Variants in WDR3 observed in about 807,000 individuals in gnomAD.
WDR3 encodes WD repeat-containing protein 3.
In WDR3, 81 loss-of-function variants were observed where a neutral mutation model predicts 123.7. That is an observed-to-expected ratio of 0.65 (90% CI 0.55 to 0.79). The LOEUF is 0.79. Among genes scored for constraint, WDR3 ranks in the 30% least tolerant of loss-of-function variants. The pLI is 0.00. For synonymous variants in WDR3, 390 were observed against 388.8 expected, an observed-to-expected ratio of 1.00 and a Z score of -0.04; for missense variants, 1,027 against 1,123.2, an observed-to-expected ratio of 0.91 and a Z score of 1.22.
chr1:117,952,704 C>G lies in WDR3; in HGVS notation c.2151+42C>G, dbSNP rs143943892. Reference sequence around the variant, plus strand: ...TGGTTACAAATATGCCAGTAGGTATCTGACAGGCTGTCCTAGTTGAAGTTT... The same window carrying G: ...TGGTTACAAATATGCCAGTAGGTATGTGACAGGCTGTCCTAGTTGAAGTTT... On this transcript the variant is annotated intron_variant, in intron 19 of 26. Transcript: ENST00000349139. 0.012 allele frequency: 19,150 copies of G among 1,600,538 alleles called. 167 individuals are homozygous for G. The highest frequency in any genetic ancestry group is 0.027 in the South Asian group (2,441 of 88,780).
intron 1 of WDR3, among the ~76,000 whole-genome samples, chr1:117,932,256 A>G (rs1315926534): frequency 1.3e-5 from 2 of 152,234 alleles, no homozygotes; most frequent in African/African-American, 2.4e-5. Context: ...ACCATTTTCT[A>G]TGCCAAGGGT....
rs1403590832 is a variant in WDR3, at chr1:117,940,821, A to C, written c.676-6A>C. 1.3e-6 allele frequency: 2 copies of C among 1,599,294 alleles called. No individual in the cohort carries two copies. Among genetic ancestry groups the C allele is most frequent in the Non-Finnish European group, 8.5e-7 (1 of 1,173,966 alleles). ...CAGCTTTTATTTTCTCATTTTTATA[A>C]AACAGATTGAAGACCCGGAAGAACC... On this transcript the variant is annotated splice_region_variant and splice_polypyrimidine_tract_variant and intron_variant, in intron 6 of 26. Transcript: ENST00000349139.
At position 117,964,041 on chromosome 1, in the gene WDR3, A is replaced by G; in HGVS notation, c.*4594A>G. On this transcript the variant is annotated 3_prime_UTR_variant, in exon 27 of 27. Coordinates refer to ENST00000349139, the MANE Select transcript of WDR3 (RefSeq NM_006784.3). ...ATAGAATTTCTTCTCTGGCAACATC[A>G]GTTCAATTTTAGGTAACTGTCTATC... The G allele has an allele frequency of 7.4e-7, 1 of 1,357,202 alleles. No homozygotes were observed. The highest frequency in any genetic ancestry group is 1.0e-6 in the Non-Finnish European group (1 of 991,498). The allele number at this position is 1,357,202 out of a possible 1,614,324, so 84.1% of individuals were successfully genotyped here.
chr1:117,933,790 A>T (rs1344321952), intron 2 of WDR3: 1 of 358,500 alleles, frequency 2.8e-6, no homozygotes, highest in Non-Finnish European at 5.3e-6. Flanking sequence ...TTCTCTACCA[A>T]TTCTATTTTT....
chr1:117,957,739 T>C (rs780598838), intron 25 of WDR3, among the ~76,000 whole-genome samples: 5 of 152,226 alleles, frequency 3.3e-5, no homozygotes, highest in African/African-American at 4.8e-5. Context: ...GTGTATTTTA[T>C]GTGTGGCCCG....
Position 117,941,864 on chromosome 1 carries a change from C to T in WDR3, c.989+17C>T, listed in dbSNP as rs1236918202. On this transcript the variant is annotated intron_variant, in intron 9 of 26. Transcript: ENST00000349139. ...GAAAGCAAAGTATGTTTTCTTAATA[C>T]TTACATTAATAATGAAGTATCCTGG... The T allele has an allele frequency of 1.3e-6, 2 of 1,593,892 alleles. No homozygotes were observed. The highest frequency in any genetic ancestry group is 3.6e-5 in the Admixed American group (2 of 55,134).
intron 1 of WDR3, among the ~76,000 whole-genome samples, chr1:117,932,048 G>A (rs544078634): frequency 1.3e-5 from 2 of 152,160 alleles, no homozygotes; most frequent in African/African-American, 4.8e-5. Context: ...TTATTTTTGT[G>A]TGTTTTAAGT....
chr1:117,962,485 T>C lies in WDR3; in HGVS notation c.*3038T>C, dbSNP rs1231133274. 2 of 151,882 alleles carry C rather than the reference T, an allele frequency of 1.3e-5. No individual in the cohort carries two copies. Among genetic ancestry groups the C allele is most frequent in the Admixed American group, 1.3e-4 (2 of 15,238 alleles). The allele number at this position is 151,882 out of a possible 1,614,324, so 9.4% of individuals were successfully genotyped here. A position where few individuals can be genotyped will look rare whatever the true frequency, so the allele number is the denominator to read the frequency against. ...TACCATAAAGAAAAGCCTTTTGAGA[T>C]TGCAGTGAGCTGAGATTGTGCCACT... On this transcript the variant is annotated 3_prime_UTR_variant, in exon 27 of 27. Transcript: ENST00000349139.
intron 1 of WDR3, 103 bp from the exon 2 acceptor site, chr1:117,933,185 C>T (rs1008713226): frequency 1.0e-6 from 1 of 973,884 alleles, no homozygotes. Flanking sequence ...GCCTGGGCAA[C>T]AGAGTGAGAC....
chr1:117,933,650 A>G, intron 2 of WDR3, 160 bp downstream of exon 2: 1 of 883,514 alleles, frequency 1.1e-6, no homozygotes, highest in Non-Finnish European at 1.8e-6. Flanking sequence ...CCAAGCATCA[A>G]GTTCCTTTGT....
Position 117,931,978 on chromosome 1 carries a change from C to A in WDR3, c.-32-1310C>A, listed in dbSNP as rs190429178. ...GACCCTGTAGAGTTAAGCCAACCAACCAAAGAAACAAAAAACAATAGCAAA... is the reference window on the plus strand; with the variant it reads ...GACCCTGTAGAGTTAAGCCAACCAAACAAAGAAACAAAAAACAATAGCAAA... On this transcript the variant is annotated intron_variant, in intron 1 of 26. Transcript: ENST00000349139. Among the ~76,000 whole-genome samples, 98 of 152,152 alleles carry A rather than the reference C, an allele frequency of 6.4e-4. 1 individual carries two copies. The East Asian group carries it at 0.017, about 27-fold the overall frequency.
rs1359298997 is a variant in WDR3 at position 117,965,891 on chromosome 1, C to T, written c.*6444C>T. ...AGCTTTTGGCAAGTTGAACTCCCTG[C>T]CAATCATCCCAAACACCTGGAGCTT... On this transcript the variant is annotated 3_prime_UTR_variant, in exon 27 of 27. Coordinates refer to ENST00000349139, the MANE Select transcript of WDR3 (RefSeq NM_006784.3). 1 of 152,194 alleles carries T rather than the reference C, an allele frequency of 6.6e-6. No individual in the cohort carries two copies. Among genetic ancestry groups the T allele is most frequent in the Non-Finnish European group, 1.5e-5 (1 of 68,040 alleles). The allele number at this position is 152,194 out of a possible 1,614,324, so 9.4% of individuals were successfully genotyped here.
chr1:117,949,769 G>A lies in WDR3; in HGVS notation c.1543G>A (p.Gly515Ser), dbSNP rs1221623636. 2.5e-6 allele frequency: 4 copies of A among 1,613,540 alleles called. No individual in the cohort carries two copies. The highest frequency in any genetic ancestry group is 2.5e-6 in the Non-Finnish European group (3 of 1,179,776). ...SPDQRGFVTGGADKSVKFWDF... is the reference protein window; with the variant it reads ...SPDQRGFVTGSADKSVKFWDF... ...TTTTCAGCGTGGCTTTGTGACAGGT[G>A]GTGCAGATAAATCTGTCAAATTCTG... Residue 515 changes from glycine to serine, a missense_variant, in exon 14 of 27, where the codon GGT (glycine) becomes AGT (serine). Transcript: ENST00000349139.
At chr1:117,939,929 A>C (rs913211048) in intron 6 of WDR3, among the ~76,000 whole-genome samples, 1 of 152,250 alleles carries the variant, frequency 6.6e-6, no homozygotes, top group African/African-American at 2.4e-5. Flanking sequence ...GTATATTCTG[A>C]AAAGATCTAT....
At chr1:117,933,624 C>G (rs954817583) in intron 2 of WDR3, 134 bp downstream of exon 2, 7 of 1,184,742 alleles carry the variant, frequency 5.9e-6, no homozygotes, top group South Asian at 1.3e-5. Flanking sequence ...AATCTTTTTC[C>G]TTTAGGTCTA....
At chr1:117,934,211 C>T (rs937605395) in intron 2 of WDR3, among the ~76,000 whole-genome samples, 14 of 152,050 alleles carry the variant, frequency 9.2e-5, no homozygotes, top group African/African-American at 3.4e-4. Flanking sequence ...ATTTTATTGC[C>T]TAGGGAGTTT....
rs1324008138 is a variant in WDR3, at chr1:117,934,460, T to G, written c.172-13T>G. The G allele has an allele frequency of 6.2e-7, 1 of 1,612,658 alleles. No individual in the cohort carries two copies. The highest frequency in any genetic ancestry group is 1.1e-5 in the South Asian group (1 of 91,020). ...TAACTCTTCTACATTGTTTTTAATTTTTATGATTTCAGATTCTTATCCTTC... is the reference window on the plus strand; with the variant it reads ...TAACTCTTCTACATTGTTTTTAATTGTTATGATTTCAGATTCTTATCCTTC... On this transcript the variant is annotated splice_polypyrimidine_tract_variant and intron_variant, in intron 2 of 26. Coordinates refer to ENST00000349139, the MANE Select transcript of WDR3 (RefSeq NM_006784.3).
intron 25 of WDR3, among the ~76,000 whole-genome samples, chr1:117,957,938 TAAAGC>T (rs1240928519): frequency 6.6e-6 from 1 of 152,240 alleles, no homozygotes; most frequent in Non-Finnish European, 1.5e-5. Flanking sequence ...CTAAGGAACA[TAAAGC>T]AAATATGTTC....
At chr1:117,934,069 A>G (rs2101191558) in intron 2 of WDR3, among the ~76,000 whole-genome samples, 1 of 152,314 alleles carries the variant, frequency 6.6e-6, no homozygotes, top group Middle Eastern at 3.4e-3. Context: ...GGTTAAAACC[A>G]CTGCAGTACT....
Sources: allele counts gnomAD v4.1 joint callset (sites outside exome capture counted in the v4.1 genomes callset), GRCh38; gene constraint gnomAD v4.1.1; transcripts MANE v1.5; gene names NCBI Gene and HGNC (gene_info 2026-07-23, HGNC 2026-07-21).